RAPGEF2: variants seen among roughly 807,000 people sequenced by gnomAD.
RAPGEF2 encodes Rap guanine nucleotide exchange factor 2, also known as PDZ domain containing guanine nucleotide exchange factor (GEF) 1.
In RAPGEF2, 54 loss-of-function variants were observed where a neutral mutation model predicts 186.7. The ratio of observed to expected loss-of-function variants is 0.29; its 90% CI spans 0.23 to 0.36. RAPGEF2 has a LOEUF of 0.36. Ranked by LOEUF, RAPGEF2 falls within the 10% of genes least tolerant of loss-of-function variation. The pLI is 1.00. For synonymous variants in RAPGEF2, 712 were observed against 705.9 expected, an observed-to-expected ratio of 1.01 and a Z score of -0.14; for missense variants, 1,532 against 2,045.0, an observed-to-expected ratio of 0.75 and a Z score of 4.84.
chr4:159,279,538 G>A (rs1168840872), intron 7 of RAPGEF2, among the ~76,000 whole-genome samples: 1 of 152,136 alleles, frequency 6.6e-6, no homozygotes, highest in African/African-American at 2.4e-5. Flanking sequence ...GACATAAAAT[G>A]TAGAGTAACT....
At chr4:159,291,917 A>C (rs1287295437) in intron 7 of RAPGEF2, among the ~76,000 whole-genome samples, 1 of 152,094 alleles carries the variant, frequency 6.6e-6, no homozygotes, top group Non-Finnish European at 1.5e-5. Flanking sequence ...AAAATTTTAG[A>C]AAATGTAGAT....
At chr4:159,344,358 T>G (rs1166757418) in intron 23 of RAPGEF2, among the ~76,000 whole-genome samples, 2 of 152,058 alleles carry the variant, frequency 1.3e-5, no homozygotes, top group African/African-American at 4.8e-5. Context: ...TGTCTCGAAA[T>G]GCAGAAAGCT....
chr4:159,104,553 AGT>A lies in RAPGEF2; in HGVS notation c.69+339_69+340del, dbSNP rs1219918425. 9.8e-4 allele frequency among the ~76,000 whole-genome samples: 134 copies of A among 136,100 alleles called. 1 individual carries two copies. Among genetic ancestry groups the A allele is most frequent in the Middle Eastern group, 3.7e-3 (1 of 270 alleles). 89.3% of individuals were successfully genotyped at this position (136,100 alleles called of 152,430 possible). A position where few individuals can be genotyped will look rare whatever the true frequency, so the allele number is the denominator to read the frequency against. ...GAGAGACAGAGAGAGAGAGAGAGAGAGTGTGTGTGTGTGTGTGTATGTGTGTG... is the reference window on the plus strand; with the variant it reads ...GAGAGACAGAGAGAGAGAGAGAGAGAGTGTGTGTGTGTGTGTATGTGTGTG... On this transcript the variant is annotated intron_variant, in intron 1 of 29. Transcript: ENST00000691494.
At chr4:159,184,042 T>G (rs1579398876) in intron 1 of RAPGEF2, among the ~76,000 whole-genome samples, 1 of 152,206 alleles carries the variant, frequency 6.6e-6, no homozygotes, top group East Asian at 1.9e-4. Flanking sequence ...GTTTCCAGCT[T>G]CATCTGTGTC....
chr4:159,254,828 T>C (rs1052105906), intron 7 of RAPGEF2, among the ~76,000 whole-genome samples: 25 of 152,246 alleles, frequency 1.6e-4, no homozygotes, highest in Middle Eastern at 3.4e-3. Context: ...CTCGAACTCT[T>C]AACCTCAGGT....
At chr4:159,346,357 A>G (rs1220426800) in intron 24 of RAPGEF2, among the ~76,000 whole-genome samples, 1 of 152,232 alleles carries the variant, frequency 6.6e-6, no homozygotes, top group Non-Finnish European at 1.5e-5. Flanking sequence ...ATTGCAGTTG[A>G]CAGCATTTAT....
chr4:159,342,888 A>T, intron 20 of RAPGEF2, 91 bp from the exon 21 acceptor site: 2 of 1,124,164 alleles, frequency 1.8e-6, no homozygotes, highest in Non-Finnish European at 2.5e-6. Flanking sequence ...TATGCATATA[A>T]AGCATAAACA....
At chr4:159,251,458 G>A (rs1755380172) in intron 7 of RAPGEF2, among the ~76,000 whole-genome samples, 1 of 152,252 alleles carries the variant, frequency 6.6e-6, no homozygotes, top group East Asian at 1.9e-4. Context: ...TCAGCACTCT[G>A]TGTCTAGCTC....
At chr4:159,219,057 A>G (rs974134335) in intron 4 of RAPGEF2, among the ~76,000 whole-genome samples, 2 of 152,222 alleles carry the variant, frequency 1.3e-5, no homozygotes, top group Non-Finnish European at 2.9e-5. Flanking sequence ...CTGAGTTAAA[A>G]TATACACATG....
intron 1 of RAPGEF2, among the ~76,000 whole-genome samples, chr4:159,179,484 G>A (rs1027160643): frequency 6.6e-6 from 1 of 152,184 alleles, no homozygotes; most frequent in Non-Finnish European, 1.5e-5. Context: ...CATCTTAAGA[G>A]AAAAGTCTTG....
chr4:159,137,611 CT>C (rs1009597104), intron 1 of RAPGEF2, among the ~76,000 whole-genome samples: 2 of 145,924 alleles, frequency 1.4e-5, no homozygotes, highest in African/African-American at 5.1e-5. Context: ...TTTTGCACTT[CT>C]TTTGTATGTG....
chr4:159,277,984 A>G (rs1454587514), intron 7 of RAPGEF2, among the ~76,000 whole-genome samples: 1 of 152,078 alleles, frequency 6.6e-6, no homozygotes, highest in Non-Finnish European at 1.5e-5. Flanking sequence ...TTTTGTTGCC[A>G]TTGCTTTTGG....
At chr4:159,216,557 A>G (rs562807366) in intron 4 of RAPGEF2, among the ~76,000 whole-genome samples, 1 of 152,196 alleles carries the variant, frequency 6.6e-6, no homozygotes, top group African/African-American at 2.4e-5. Context: ...TGAGGGTAAA[A>G]GAATGAGATC....
chr4:159,213,540 A>G (rs1750723236), intron 4 of RAPGEF2, among the ~76,000 whole-genome samples: 1 of 152,218 alleles, frequency 6.6e-6, no homozygotes, highest in East Asian at 1.9e-4. Context: ...AATTGTTTTG[A>G]CACATGATTT....
rs111460541 is a variant in RAPGEF2 at position 159,225,193 on chromosome 4, T to C, written c.282-13616T>C. Among the ~76,000 whole-genome samples, 527 of 152,250 alleles carry C rather than the reference T, an allele frequency of 3.5e-3. 3 individuals carry two copies. Among genetic ancestry groups the C allele is most frequent in the African/African-American group, 0.011 (474 of 41,532 alleles). ...TACCAGAGGAAAAGAGGAGTACTTA[T>C]AGCCATGTCAGAAAGTAACAAACAG... On this transcript the variant is annotated intron_variant, in intron 4 of 29. Coordinates refer to ENST00000691494, the MANE Select transcript of RAPGEF2 (RefSeq NM_001394067.2).
At chr4:159,198,282 CTTTCTTTCTTTCTTTCT>C (rs1748942770) in intron 3 of RAPGEF2, among the ~76,000 whole-genome samples, 1 of 10,814 alleles carries the variant, frequency 9.2e-5, no homozygotes, top group South Asian at 7.0e-3. Context: ...TTCTTTCTTT[CTTTCTTTCTTTCTTTCT>C]TTCTTTCTTT....
chr4:159,279,406 T>G (rs1459678246), intron 7 of RAPGEF2, among the ~76,000 whole-genome samples: 3 of 152,214 alleles, frequency 2.0e-5, no homozygotes, highest in African/African-American at 7.2e-5. Flanking sequence ...TCCTGTGGAT[T>G]ATAATTCTAA....
At chr4:159,192,659 G>A (rs544766723) in intron 2 of RAPGEF2, among the ~76,000 whole-genome samples, 2 of 152,124 alleles carry the variant, frequency 1.3e-5, no homozygotes, top group South Asian at 4.2e-4. Flanking sequence ...AAAACTCTGG[G>A]ATGAATCAGC....
intron 23 of RAPGEF2, 50 bp downstream of exon 23, chr4:159,344,109 T>C: frequency 6.6e-7 from 1 of 1,514,298 alleles, no homozygotes; most frequent in South Asian, 1.1e-5. Context: ...ATTCTGCTCA[T>C]TGCATTGTTT....
Sources: gnomAD v4.1 joint callset for allele counts (sites outside exome capture counted in the v4.1 genomes callset) on GRCh38, gnomAD v4.1.1 for gene constraint, MANE v1.5 for transcripts, NCBI Gene and HGNC (gene_info 2026-07-23, HGNC 2026-07-21) for gene names.